OSBPL8: variants seen among roughly 807,000 people sequenced by gnomAD.
OSBPL8 encodes oxysterol-binding protein-related protein 8.
In OSBPL8, 59 loss-of-function variants were observed where a neutral mutation model predicts 125.5. The observed-to-expected ratio is 0.47, with a 90% CI of 0.38 to 0.58. OSBPL8 has a LOEUF of 0.58. Ranked by LOEUF, OSBPL8 falls within the 20% of genes least tolerant of loss-of-function variation. The pLI, the probability that OSBPL8 is intolerant of heterozygous loss-of-function variation, is 0.00. For synonymous variants in OSBPL8, 330 were observed against 338.9 expected, an observed-to-expected ratio of 0.97 and a Z score of 0.29; for missense variants, 758 against 1,047.8, an observed-to-expected ratio of 0.72 and a Z score of 3.82.
chr12:76,450,761 A>G (rs1873290548), intron 4 of OSBPL8, 90 bp downstream of exon 4: 1 of 1,327,910 alleles, frequency 7.5e-7, no homozygotes. Context: ...AAGAAAAAAA[A>G]TATGATAGTC....
At chr12:76,376,834 G>C (rs1952836569) in intron 16 of OSBPL8, among the ~76,000 whole-genome samples, 1 of 151,970 alleles carries the variant, frequency 6.6e-6, no homozygotes, top group Non-Finnish European at 1.5e-5. Context: ...GTGAAGCTTT[G>C]TTATATAGGT....
intron 1 of OSBPL8, among the ~76,000 whole-genome samples, chr12:76,502,122 G>A (rs1879966212): frequency 6.6e-6 from 1 of 152,156 alleles, no homozygotes; most frequent in African/African-American, 2.4e-5. Flanking sequence ...ATCAGCTATG[G>A]AGCAATTCAT....
intron 1 of OSBPL8, among the ~76,000 whole-genome samples, chr12:76,507,135 A>G (rs1327381049): frequency 1.3e-5 from 2 of 151,782 alleles, no homozygotes; most frequent in African/African-American, 4.9e-5. Flanking sequence ...TATAAAGAAG[A>G]CAATGTTCTC....
At chr12:76,393,203 C>T (rs887762819) in intron 9 of OSBPL8, among the ~76,000 whole-genome samples, 5 of 152,066 alleles carry the variant, frequency 3.3e-5, no homozygotes, top group African/African-American at 1.2e-4. Context: ...CAGGAAAATG[C>T]CTGCATAATG....
rs903800707 is a variant in OSBPL8, at chr12:76,355,014, T to G, written c.*875A>C. 1 of 152,516 alleles carries G rather than the reference T, an allele frequency of 6.6e-6. No homozygotes were observed. The allele number at this position is 152,516 out of a possible 1,614,324, so 9.4% of individuals were successfully genotyped here. ...AGTTTTCATAATGAAAAAACATAAA[T>G]TATCAGCACTTCAAATGCTCTATAA... On this transcript the variant is annotated 3_prime_UTR_variant, in exon 24 of 24. Coordinates refer to ENST00000261183, the MANE Select transcript of OSBPL8 (RefSeq NM_020841.5).
intron 4 of OSBPL8, among the ~76,000 whole-genome samples, chr12:76,431,303 A>C (rs912278519): frequency 1.1e-4 from 17 of 151,744 alleles, no homozygotes; most frequent in Admixed American, 4.6e-4. Context: ...AAGAAAAAAA[A>C]ACACACAAAA....
At chr12:76,469,055 C>T (rs1208287135) in intron 2 of OSBPL8, among the ~76,000 whole-genome samples, 1 of 152,194 alleles carries the variant, frequency 6.6e-6, no homozygotes, top group African/African-American at 2.4e-5. Context: ...GCATTTGCCA[C>T]TGCTGACCAC....
chr12:76,439,815 T>G (rs989503522), intron 4 of OSBPL8, among the ~76,000 whole-genome samples: 15 of 152,198 alleles, frequency 9.9e-5, no homozygotes, highest in Non-Finnish European at 2.2e-4. Flanking sequence ...AAACATCTAC[T>G]TGTATTTTTA....
At chr12:76,394,063 A>T (rs1461426694) in intron 9 of OSBPL8, among the ~76,000 whole-genome samples, 1 of 152,108 alleles carries the variant, frequency 6.6e-6, no homozygotes, top group Admixed American at 6.5e-5. Context: ...ATAAAAGTAA[A>T]CTTTGGAAGG....
intron 1 of OSBPL8, among the ~76,000 whole-genome samples, chr12:76,488,915 C>T (rs145486655): frequency 2.0e-5 from 3 of 152,292 alleles, no homozygotes; most frequent in East Asian, 1.9e-4. Flanking sequence ...TGGCCTCTTA[C>T]ACCAAACAGC....
chr12:76,506,297 A>G (rs139603966), intron 1 of OSBPL8, among the ~76,000 whole-genome samples: 1 of 152,322 alleles, frequency 6.6e-6, no homozygotes, highest in Non-Finnish European at 1.5e-5. Flanking sequence ...ACCAGTTAAG[A>G]CATCTGAATA....
intron 1 of OSBPL8, among the ~76,000 whole-genome samples, chr12:76,505,806 G>C (rs980596579): frequency 6.6e-6 from 1 of 152,142 alleles, no homozygotes; most frequent in East Asian, 1.9e-4. Flanking sequence ...AGTGAGCAAA[G>C]AGAACAGAAA....
rs772087654 is a variant in OSBPL8 at position 76,468,913 on chromosome 12, A to G, written c.43-9018T>C. ...ATCTTGAAATGTGGCTAGTAAAACTAAGGAAGAACTTTTAATTTAATTAGG... is the reference window on the plus strand; with the variant it reads ...ATCTTGAAATGTGGCTAGTAAAACTGAGGAAGAACTTTTAATTTAATTAGG... On this transcript the variant is annotated intron_variant, in intron 2 of 23. Transcript: ENST00000261183. 3.0e-4 allele frequency among the ~76,000 whole-genome samples: 45 copies of G among 152,184 alleles called. 1 individual carries two copies. Among genetic ancestry groups the G allele is most frequent in the Non-Finnish European group, 2.2e-4 (15 of 68,030 alleles).
Position 76,397,853 on chromosome 12 carries a change from C to T in OSBPL8, c.513G>A (p.Leu171=). Residue 171 remains leucine (L), a synonymous_variant, in exon 8 of 24, where the codon TTG becomes TTA. Coordinates refer to ENST00000261183, the MANE Select transcript of OSBPL8 (RefSeq NM_020841.5). ...TATAGATCAGTAGCACCCCAGGTTT[C>T]AACACACACCATAACTTGGTCCAGC... ...LKSWTKLWCV[L]KPGVLLIYKT... is the part of the protein sequence containing the mutation. 1.2e-6 allele frequency: 2 copies of T among 1,614,084 alleles called. No homozygotes were observed. The highest frequency in any genetic ancestry group is 1.7e-6 in the Non-Finnish European group (2 of 1,179,990).
chr12:76,494,940 G>T (rs1332319406), intron 1 of OSBPL8, among the ~76,000 whole-genome samples: 1 of 152,076 alleles, frequency 6.6e-6, no homozygotes, highest in African/African-American at 2.4e-5. Flanking sequence ...GACCACCAGG[G>T]AGTAGATACC....
chr12:76,494,466 T>C (rs1190243745), intron 1 of OSBPL8, among the ~76,000 whole-genome samples: 1 of 152,136 alleles, frequency 6.6e-6, no homozygotes, highest in African/African-American at 2.4e-5. Flanking sequence ...AACTGGGAAT[T>C]CAGTTAAAAG....
chr12:76,354,396 T>A lies in OSBPL8; in HGVS notation c.*1493A>T, dbSNP rs2136107276. The stretch of plus-strand genomic sequence containing the variant: ...GCTCTTTTTATCATTTTGATTCTCA[T>A]AATTTACCAATCAATGTATTTATTT... On this transcript the variant is annotated 3_prime_UTR_variant, in exon 24 of 24. Coordinates refer to ENST00000261183, the MANE Select transcript of OSBPL8 (RefSeq NM_020841.5). 6.6e-6 allele frequency: 1 copy of A among 152,108 alleles called. No homozygotes were observed. Among genetic ancestry groups the A allele is most frequent in the East Asian group, 1.9e-4 (1 of 5,186 alleles). The allele number at this position is 152,108 out of a possible 1,614,324, so 9.4% of individuals were successfully genotyped here.
At chr12:76,368,390 C>G (rs191932861) in intron 21 of OSBPL8, among the ~76,000 whole-genome samples, 9 of 152,254 alleles carry the variant, frequency 5.9e-5, no homozygotes, top group African/African-American at 2.2e-4. Flanking sequence ...TGAGATCATC[C>G]TACTTGGAGT....
At chr12:76,357,431 T>C (rs913387983) in intron 22 of OSBPL8, among the ~76,000 whole-genome samples, 3 of 152,108 alleles carry the variant, frequency 2.0e-5, no homozygotes, top group African/African-American at 7.2e-5. Flanking sequence ...AATCTGCATA[T>C]ATAACATACA....
Sources: allele counts gnomAD v4.1 joint callset (sites outside exome capture counted in the v4.1 genomes callset), GRCh38; gene constraint gnomAD v4.1.1; transcripts MANE v1.5; gene names NCBI Gene and HGNC (gene_info 2026-07-23, HGNC 2026-07-21).